Variants in PHF3 observed in about 807,000 individuals in gnomAD.
PHF3 encodes the protein PHD finger protein 3.
In PHF3, 41 loss-of-function variants were observed where a neutral mutation model predicts 178.4. That is an observed-to-expected ratio of 0.23 (90% confidence interval 0.18 to 0.30). The LOEUF (loss-of-function observed/expected upper bound fraction) is 0.30, where lower values mean the gene tolerates loss of function less well. PHF3 is among the 10% of genes least tolerant of loss of function. PHF3 has a pLI of 1.00. For synonymous variants in PHF3, 842 were observed against 800.5 expected (o/e 1.05, Z -0.88); for missense variants, 2,346 against 2,398.1 (o/e 0.98, Z 0.45).
At chr6:63,670,350 G>A (rs1323102659) in intron 2 of PHF3, among the ~76,000 whole-genome samples, 1 of 152,046 alleles carries the variant, frequency 6.6e-6, no homozygotes, top group Non-Finnish European at 1.5e-5. Context: ...CTCACTGAAA[G>A]CTCTGCCTCC....
At position 63,685,762 on chromosome 6, in the gene PHF3, T is replaced by A; in HGVS notation, c.2040T>A (p.Ser680Arg). The A allele has an allele frequency of 6.2e-7, 1 of 1,614,046 alleles. No homozygotes were observed. The highest frequency in any genetic ancestry group is 8.5e-7 in the Non-Finnish European group (1 of 1,180,016). The change falls in exon 4 of 16, where the codon AGT becomes AGA. Residue 680 changes from serine (S) to arginine (R), a missense_variant. This residue lies in a region of PHF3 where 843 missense variants were observed against 795.2 expected (regional missense o/e 1.06). Transcript: ENST00000262043. Reference sequence around the variant, plus strand: ...CCCGCCAAAGAAGAAGCAGCAAAAGTTTTTCTTTAGATGAGCCACCATTGT... The same window carrying A: ...CCCGCCAAAGAAGAAGCAGCAAAAGATTTTCTTTAGATGAGCCACCATTGT... ...LQPRQRRSSK[S>R]FSLDEPPLFI...
At chr6:63,710,504 A>G (rs1436523059) in intron 14 of PHF3, among the ~76,000 whole-genome samples, 7 of 152,040 alleles carry the variant, frequency 4.6e-5, no homozygotes, top group Non-Finnish European at 1.0e-4. Flanking sequence ...TACCATCATG[A>G]AAAAAAACAT....
chr6:63,652,765 C>G (rs1582009568), intron 2 of PHF3, among the ~76,000 whole-genome samples: 1 of 152,204 alleles, frequency 6.6e-6, no homozygotes, highest in East Asian at 1.9e-4. Context: ...TCCAGTTTTC[C>G]TAGCACCATT....
Position 63,711,174 on chromosome 6 carries a change from G to T in PHF3, c.3809G>T (p.Cys1270Phe). 1 of 1,586,036 alleles carries T rather than the reference G, an allele frequency of 6.3e-7. No individual in the cohort carries two copies. Among genetic ancestry groups the T allele is most frequent in the Non-Finnish European group, 8.6e-7 (1 of 1,165,870 alleles). ...TGTTATTTTCTTGAACAGGAAATTT[G>T]TGTGGTTCGCTTCACACCAGTAACT... ...KIKASGTKEICVVRFTPVTEE... is the reference protein window; with the variant it reads ...KIKASGTKEIFVVRFTPVTEE... Residue 1270 changes from cysteine to phenylalanine, a missense_variant, in exon 15 of 16, where the codon TGT (cysteine) becomes TTT (phenylalanine). Cys to Phe is a radical substitution (Grantham distance 205). Around this residue, in one of 8 missense-constraint regions of PHF3, gnomAD observed 90 missense variants for 136.6 expected, o/e 0.66. Coordinates refer to ENST00000262043, the MANE Select transcript of PHF3 (RefSeq NM_001370348.2).
intron 8 of PHF3, 59 bp from the exon 9 acceptor site, chr6:63,700,291 T>C (rs1767416658): frequency 1.4e-6 from 1 of 704,570 alleles, no homozygotes; most frequent in African/African-American, 1.8e-5. Flanking sequence ...TAAATTTCTG[T>C]GTAGTAGCCA....
intron 2 of PHF3, among the ~76,000 whole-genome samples, chr6:63,664,948 C>T (rs1224030751): frequency 6.6e-6 from 1 of 151,844 alleles, no homozygotes; most frequent in Non-Finnish European, 1.5e-5. Flanking sequence ...TTAATTAGAA[C>T]ATTTCTGCCA....
chr6:63,701,852 G>C (rs913035135), intron 9 of PHF3, among the ~76,000 whole-genome samples: 6 of 152,056 alleles, frequency 3.9e-5, no homozygotes, highest in African/African-American at 1.4e-4. Context: ...ATGCCAGCTT[G>C]TTCTTTCTTA....
chr6:63,713,177 T>G lies in PHF3; in HGVS notation c.5589T>G (p.Gly1863=), dbSNP rs1283090233. 2 of 1,614,032 alleles carry G rather than the reference T, an allele frequency of 1.2e-6. No individual in the cohort carries two copies. The highest frequency in any genetic ancestry group is 1.3e-5 in the African/African-American group (1 of 75,002). ...GGCCACCTGTTGTTCATCTCCCAGGTCAGCCACAGCGTATGATGGGTCCTC... is the reference window on the plus strand; with the variant it reads ...GGCCACCTGTTGTTCATCTCCCAGGGCAGCCACAGCGTATGATGGGTCCTC... The part of the protein sequence containing the change: ...VPWPPVVHLP[G]QPQRMMGPLS... The change falls in exon 16 of 16, where the codon GGT becomes GGG. Residue 1863 remains glycine (G), a synonymous_variant. Transcript: ENST00000262043.
In PHF3 at chr6:63,724,791, T is replaced by A. The variant is rs540318072; in HGVS notation, c.*11083T>A. ...AACCATGTTAATTTAGAATTTGGTT[T>A]TCAATATGTGAAAACCACATTGGCT... On this transcript the variant is annotated 3_prime_UTR_variant, in exon 16 of 16. Coordinates refer to ENST00000262043, the MANE Select transcript of PHF3 (RefSeq NM_001370348.2). Among the ~76,000 whole-genome samples the A allele has an allele frequency of 1.3e-5, 2 of 152,270 alleles. No individual in the cohort carries two copies. Among genetic ancestry groups the A allele is most frequent in the African/African-American group, 4.8e-5 (2 of 41,578 alleles).
chr6:63,710,425 ATGTTTTCCT>A (rs1409035189), intron 14 of PHF3, among the ~76,000 whole-genome samples: 1 of 152,114 alleles, frequency 6.6e-6, no homozygotes, highest in Non-Finnish European at 1.5e-5. Context: ...GCTCATTCAC[ATGTTTTCCT>A]TAGGAGCTTG....
chr6:63,647,835 A>G (rs1045344998), intron 2 of PHF3, among the ~76,000 whole-genome samples: 1 of 152,208 alleles, frequency 6.6e-6, no homozygotes, highest in Non-Finnish European at 1.5e-5. Flanking sequence ...TCAGCCTCCC[A>G]TGGAACAGTA....
At position 63,646,805 on chromosome 6, in the gene PHF3, ACTT is replaced by A. The variant is rs2149539790; in HGVS notation, c.244+11_244+13del. ...ATGCCTTGTTCAACAGGTAATTCTT[ACTT>A]TTTTTTTTTTTTTTTTTTTTAGTCT... On this transcript the variant is annotated intron_variant, in intron 2 of 15. Transcript: ENST00000262043. 2.7e-6 allele frequency: 3 copies of A among 1,102,394 alleles called. No individual in the cohort carries two copies. Among genetic ancestry groups the A allele is most frequent in the Non-Finnish European group, 3.3e-6 (3 of 912,642 alleles). The allele number at this position is 1,102,394 out of a possible 1,614,324, so 68.3% of individuals were successfully genotyped here.
rs117113183 is a variant in PHF3 at position 63,683,680 on chromosome 6, T to C, written c.407-449T>C. On this transcript the variant is annotated intron_variant, in intron 3 of 15. Transcript: ENST00000262043. ...GATCCTGGTTTGTGATAGGAGGTTTTTAGTTCAGGTTTCTTTAGCACTGGA... is the reference window on the plus strand; with the variant it reads ...GATCCTGGTTTGTGATAGGAGGTTTCTAGTTCAGGTTTCTTTAGCACTGGA... Among the ~76,000 whole-genome samples, 326 of 152,224 alleles carry C rather than the reference T, an allele frequency of 2.1e-3. 11 individuals carry two copies. The East Asian group carries it at 0.058, about 27-fold the overall frequency.
Position 63,720,333 on chromosome 6 carries a change from AGT to A in PHF3, c.*6627_*6628del. The A allele has an allele frequency of 2.5e-6, 1 of 407,292 alleles. No individual in the cohort carries two copies. Among genetic ancestry groups the A allele is most frequent in the Non-Finnish European group, 4.3e-6 (1 of 230,550 alleles). The allele number at this position is 407,292 out of a possible 1,614,324, so 25.2% of individuals were successfully genotyped here. ...GGATAGGTAAAAAGTGAATAAGCAA[AGT>A]GAATAAGCACATTCTGTGAATAAGC... On this transcript the variant is annotated 3_prime_UTR_variant, in exon 16 of 16. Coordinates refer to ENST00000262043, the MANE Select transcript of PHF3 (RefSeq NM_001370348.2).
intron 9 of PHF3, among the ~76,000 whole-genome samples, chr6:63,701,460 G>A (rs2149601586): frequency 6.6e-6 from 1 of 152,306 alleles, no homozygotes; most frequent in East Asian, 1.9e-4. Context: ...TAGAGCCATT[G>A]TGACAGTGAG....
chr6:63,694,872 G>C (rs1561973377), intron 6 of PHF3, 108 bp downstream of exon 6: 1 of 592,742 alleles, frequency 1.7e-6, no homozygotes, highest in Non-Finnish European at 2.4e-6. Context: ...ATTATTAAAT[G>C]TTGTATTGCC....
intron 6 of PHF3, among the ~76,000 whole-genome samples, chr6:63,696,058 A>G (rs1196228474): frequency 6.6e-6 from 1 of 152,192 alleles, no homozygotes; most frequent in African/African-American, 2.4e-5. Context: ...CTGAAACTTG[A>G]ATGCTGGCAT....
chr6:63,706,633 C>T, intron 12 of PHF3, 96 bp from the exon 13 acceptor site: 1 of 1,125,422 alleles, frequency 8.9e-7, no homozygotes, highest in Non-Finnish European at 1.3e-6. Context: ...CATATTTTGG[C>T]CTTCTTCACA....
At chr6:63,707,649 CTGCTGATTTTAAAGAA>C (rs1561982351) in intron 13 of PHF3, among the ~76,000 whole-genome samples, 1 of 150,940 alleles carries the variant, frequency 6.6e-6, no homozygotes, top group East Asian at 1.9e-4. Flanking sequence ...TATTCTCTAT[CTGCTGATTTTAAAGAA>C]TTAAAAGATT....
Sources: gnomAD v4.1 joint callset for allele counts (sites outside exome capture counted in the v4.1 genomes callset) on GRCh38, gnomAD v4.1.1 for gene constraint, gnomAD v4.1.1 regional missense constraint, MANE v1.5 for transcripts, NCBI Gene and HGNC (gene_info 2026-07-23, HGNC 2026-07-21) for gene names.